The following KATNBL1 variants were observed in gnomAD, a reference collection of about 807,000 sequenced individuals.
The protein encoded by KATNBL1 is katanin regulatory subunit B1 like 1.
Under a neutral mutation model 44.7 loss-of-function variants are expected in KATNBL1, and 28 were observed. The ratio of observed to expected loss-of-function variants is 0.63; its 90% confidence interval spans 0.46 to 0.86. The LOEUF is 0.86. Ranked by LOEUF, KATNBL1 falls within the 40% of genes least tolerant of loss-of-function variation. KATNBL1 has a pLI of 0.00. For synonymous variants in KATNBL1, 78 were observed against 114.9 expected, an observed-to-expected ratio of 0.68 and a Z score of 2.06; for missense variants, 272 against 350.7, an observed-to-expected ratio of 0.78 and a Z score of 1.79.
intron 1 of KATNBL1, among the ~76,000 whole-genome samples, chr15:34,179,292 A>T (rs1889446814): frequency 6.6e-6 from 1 of 152,208 alleles, no homozygotes; most frequent in African/African-American, 2.4e-5. Context: ...CAAAACAGAA[A>T]GCAAAAGGGC....
At chr15:34,185,352 G>C (rs1368655051) in intron 1 of KATNBL1, among the ~76,000 whole-genome samples, 1 of 152,134 alleles carries the variant, frequency 6.6e-6, no homozygotes, top group African/African-American at 2.4e-5. Context: ...CACAGTTTAA[G>C]ACTTAACAAT....
In KATNBL1 at chr15:34,151,435, A is replaced by ATTTTTTTTTTTTTTTTTTTTTTTT. The variant is rs1491367010; in HGVS notation, c.438+1354_438+1355insAAAAAAAAAAAAAAAAAAAAAAAA. ...AAAGTGTCTATTGTGTCCTTTGCCT[A>ATTTTTTTTTTTTTTTTTTTTTTTT]CTTTTTTTTTTTTTTTTTTTTTTTT... On this transcript the variant is annotated intron_variant, in intron 4 of 9. Coordinates refer to ENST00000256544, the MANE Select transcript of KATNBL1 (RefSeq NM_024713.3). Among the ~76,000 whole-genome samples the ATTTTTTTTTTTTTTTTTTTTTTTT allele has an allele frequency of 1.4e-4, 9 of 63,828 alleles. 1 individual carries two copies. The highest frequency in any genetic ancestry group is 2.2e-4 in the Non-Finnish European group (7 of 31,220). 41.9% of individuals were successfully genotyped at this position (63,828 alleles called of 152,430 possible).
intron 1 of KATNBL1, among the ~76,000 whole-genome samples, chr15:34,206,838 A>G (rs1353668631): frequency 6.6e-6 from 1 of 152,124 alleles, no homozygotes; most frequent in Non-Finnish European, 1.5e-5. Flanking sequence ...CTTCCAATTT[A>G]AAAAGTGTAT....
At chr15:34,164,368 T>C (rs986901811) in intron 1 of KATNBL1, among the ~76,000 whole-genome samples, 11 of 101,654 alleles carry the variant, frequency 1.1e-4, no homozygotes, top group African/African-American at 3.1e-4. Context: ...TACAGAAACC[T>C]AAAACTGTGC....
chr15:34,179,412 G>C (rs1379245600), intron 1 of KATNBL1, among the ~76,000 whole-genome samples: 1 of 152,128 alleles, frequency 6.6e-6, no homozygotes, highest in Admixed American at 6.5e-5. Context: ...TCTCTTAACA[G>C]TCCCACCTCT....
intron 1 of KATNBL1, among the ~76,000 whole-genome samples, chr15:34,170,296 C>T (rs935383780): frequency 6.6e-6 from 1 of 152,162 alleles, no homozygotes; most frequent in African/African-American, 2.4e-5. Flanking sequence ...ATACCAATAA[C>T]AGACAAACAG....
intron 1 of KATNBL1, among the ~76,000 whole-genome samples, chr15:34,195,529 A>T (rs1890005591): frequency 6.6e-6 from 1 of 152,102 alleles, no homozygotes. Flanking sequence ...ACTTCACCAC[A>T]TGCAATATAT....
chr15:34,184,297 C>G (rs1692462388), intron 1 of KATNBL1, among the ~76,000 whole-genome samples: 1 of 117,512 alleles, frequency 8.5e-6, no homozygotes, highest in South Asian at 3.0e-4. Context: ...CAGAGCGAGA[C>G]TCTGTCTCAA....
intron 1 of KATNBL1, among the ~76,000 whole-genome samples, chr15:34,192,614 A>C (rs1230992481): frequency 6.6e-6 from 1 of 152,160 alleles, no homozygotes; most frequent in Admixed American, 6.5e-5. Flanking sequence ...TGTTTCAGTA[A>C]GTAATGTGAA....
At chr15:34,148,599 G>C in intron 5 of KATNBL1, 33 bp downstream of exon 5, 1 of 1,235,570 alleles carries the variant, frequency 8.1e-7, no homozygotes, top group Non-Finnish European at 1.2e-6. Context: ...GAAAAAAAGT[G>C]ATTGAACAAA....
intron 2 of KATNBL1, among the ~76,000 whole-genome samples, chr15:34,158,835 A>G (rs1032327112): frequency 4.6e-5 from 7 of 152,122 alleles, no homozygotes; most frequent in Admixed American, 2.0e-4. Flanking sequence ...TTTTCCTTCA[A>G]TTACCCAGGA....
chr15:34,191,953 C>CAAAA (rs572381001), intron 1 of KATNBL1, among the ~76,000 whole-genome samples: 2 of 90,670 alleles, frequency 2.2e-5, no homozygotes, highest in Non-Finnish European at 4.6e-5. Flanking sequence ...GACTCCATCT[C>CAAAA]AAAAAAAAAA....
chr15:34,152,683 A>G (rs1385491971), intron 4 of KATNBL1, 107 bp downstream of exon 4: 16 of 891,230 alleles, frequency 1.8e-5, no homozygotes, highest in Non-Finnish European at 2.8e-5. Context: ...ATAAGTCTAC[A>G]TTCAATAGGT....
chr15:34,195,129 A>G (rs1407988430), intron 1 of KATNBL1, among the ~76,000 whole-genome samples: 1 of 151,518 alleles, frequency 6.6e-6, no homozygotes, highest in Non-Finnish European at 1.5e-5. Context: ...CATTATATCC[A>G]AAAGACACCT....
chr15:34,147,574 A>G, intron 5 of KATNBL1, 144 bp from the exon 6 acceptor site: 1 of 662,944 alleles, frequency 1.5e-6, no homozygotes, highest in Non-Finnish European at 2.6e-6. Flanking sequence ...TGGATACAGC[A>G]ATGAACAAAG....
At chr15:34,204,858 C>T (rs1890252798) in intron 1 of KATNBL1, among the ~76,000 whole-genome samples, 1 of 152,062 alleles carries the variant, frequency 6.6e-6, no homozygotes, top group Non-Finnish European at 1.5e-5. Context: ...AATGCTAGGT[C>T]AGGAATTTGG....
rs1425098670 is a variant in KATNBL1, at chr15:34,200,516, C to T, written c.-15+9435G>A. On this transcript the variant is annotated intron_variant, in intron 1 of 9. Coordinates refer to ENST00000256544, the MANE Select transcript of KATNBL1 (RefSeq NM_024713.3). ...GACCTCTTGATCCACCTGCCTCAGCCTCCCAAAATGCTGGGATTACAGGCG... is the reference window on the plus strand; with the variant it reads ...GACCTCTTGATCCACCTGCCTCAGCTTCCCAAAATGCTGGGATTACAGGCG... Among the ~76,000 whole-genome samples the T allele has an allele frequency of 3.3e-5, 5 of 152,150 alleles. No individual in the cohort carries two copies. In the East Asian group the frequency reaches 9.6e-4, roughly 29 times the overall value.
chr15:34,186,750 A>T (rs1356316733), intron 1 of KATNBL1, among the ~76,000 whole-genome samples: 2 of 152,182 alleles, frequency 1.3e-5, no homozygotes, highest in African/African-American at 2.4e-5. Context: ...ACCTGCTCTG[A>T]TCTGAGAGCA....
chr15:34,207,163 C>A (rs1890317513), intron 1 of KATNBL1, among the ~76,000 whole-genome samples: 1 of 151,982 alleles, frequency 6.6e-6, no homozygotes, highest in African/African-American at 2.4e-5. Context: ...CCTCAGCCTC[C>A]CAAGCAGCTG....
Sources: gnomAD v4.1 joint callset for allele counts (sites outside exome capture counted in the v4.1 genomes callset) on GRCh38, gnomAD v4.1.1 for gene constraint, MANE v1.5 for transcripts, NCBI Gene and HGNC (gene_info 2026-07-23, HGNC 2026-07-21) for gene names.